The following PROKR1 variants were observed in gnomAD, a reference collection of about 807,000 sequenced individuals.
PROKR1 encodes the protein G protein-coupled receptor 73.
Under a neutral mutation model 22.8 loss-of-function variants are expected in PROKR1, and 21 were observed. The ratio of observed to expected loss-of-function variants is 0.92; its 90% CI spans 0.65 to 1.32. The LOEUF is 1.32. Among genes scored for constraint, PROKR1 ranks in the 40% most tolerant of loss-of-function variants. The probability of loss-of-function intolerance (pLI) is 0.00; values close to 1 mark genes in which losing one functional copy is unlikely to be tolerated. For missense variants in PROKR1, 548 were observed against 514.2 expected (o/e 1.07, Z -0.64); for synonymous variants, 193 against 207.5 (o/e 0.93, Z 0.60).
intron 1 of PROKR1, among the ~76,000 whole-genome samples, chr2:68,644,216 T>G (rs1309851001): frequency 2.0e-5 from 3 of 152,072 alleles, no homozygotes; most frequent in Admixed American, 1.3e-4. Flanking sequence ...CCCCGAAGCT[T>G]CTGTATTCTT....
In PROKR1 at chr2:68,657,820, C is replaced by A. The variant is rs1277376434; in HGVS notation, c.*2244C>A. On this transcript the variant is annotated 3_prime_UTR_variant, in exon 3 of 3. Transcript: ENST00000303786. ...ACACATTACAAAAACCTATTTATTT[C>A]TTCCCATTTATCACCCAGTAGACTT... 4 of 152,158 alleles carry A rather than the reference C, an allele frequency of 2.6e-5. No homozygotes were observed. Among genetic ancestry groups the A allele is most frequent in the Non-Finnish European group, 5.9e-5 (4 of 68,028 alleles). 9.4% of individuals were successfully genotyped at this position (152,158 alleles called of 1,614,324 possible).
chr2:68,649,868 G>T (rs1033203419), intron 2 of PROKR1, among the ~76,000 whole-genome samples: 6 of 152,102 alleles, frequency 3.9e-5, no homozygotes, highest in Non-Finnish European at 8.8e-5. Flanking sequence ...ACAAACAGAG[G>T]AACAGAGAGA....
chr2:68,650,656 C>G (rs1440001740), intron 2 of PROKR1, among the ~76,000 whole-genome samples: 2 of 152,042 alleles, frequency 1.3e-5, no homozygotes, highest in African/African-American at 4.8e-5. Flanking sequence ...AAGACATAAT[C>G]ACAGCTCTTG....
In PROKR1 at chr2:68,655,389, T is replaced by C. The variant is rs1414663401; in HGVS notation, c.995T>C (p.Met332Thr). 1 of 1,614,172 alleles carries C rather than the reference T, an allele frequency of 6.2e-7. No homozygotes were observed. Among genetic ancestry groups the C allele is most frequent in the South Asian group, 1.1e-5 (1 of 91,084 alleles). ...TAFYIVECIAMSNSMINTLCF... is the reference protein window; with the variant it reads ...TAFYIVECIATSNSMINTLCF... ...TTCTACATCGTCGAGTGCATCGCCA[T>C]GAGCAACAGCATGATCAACACTCTG... Residue 332 changes from methionine to threonine, a missense_variant, in exon 3 of 3, where the codon ATG becomes ACG. Physicochemically the swap from Met to Thr is moderately conservative, Grantham distance 81. Transcript: ENST00000303786.
Position 68,646,082 on chromosome 2 carries a change from G to T in PROKR1, c.261G>T (p.Leu87=), listed in dbSNP as rs372842241. 6.2e-7 allele frequency: 1 copy of T among 1,614,086 alleles called. No homozygotes were observed. The highest frequency in any genetic ancestry group is 2.2e-5 in the East Asian group (1 of 44,890). The stretch of plus-strand genomic sequence containing the variant: ...GAAACTTCATCTTTATCGCTGCCCT[G>T]GTCCGCTACAAGAAACTGCGCAACC... ...GIGNFIFIAA[L]VRYKKLRNLT... Residue 87 remains leucine (L), a synonymous_variant, in exon 2 of 3, where the codon CTG becomes CTT. Transcript: ENST00000303786.
chr2:68,655,005 C>G lies in PROKR1; in HGVS notation c.611C>G (p.Thr204Arg), dbSNP rs1025350162. 4.3e-6 allele frequency: 7 copies of G among 1,613,720 alleles called. No individual in the cohort carries two copies. The highest frequency in any genetic ancestry group is 5.9e-6 in the Non-Finnish European group (7 of 1,180,008). ...AIPSAYFTTE[T>R]VLVIVKSQEK... ...CCTTCCGCCTACTTCACCACCGAGA[C>G]GGTCCTCGTCATTGTCAAGAGCCAG... Residue 204 changes from threonine (T) to arginine (R), a missense_variant, in exon 3 of 3, where the codon ACG (threonine) becomes AGG (arginine). Coordinates refer to ENST00000303786, the MANE Select transcript of PROKR1 (RefSeq NM_138964.4).
At chr2:68,652,289 A>T (rs1174806722) in intron 2 of PROKR1, among the ~76,000 whole-genome samples, 1 of 152,192 alleles carries the variant, frequency 6.6e-6, no homozygotes, top group African/African-American at 2.4e-5. Context: ...ATGCTCTGTA[A>T]ATTGTAAACT....
chr2:68,645,985 C>G lies in PROKR1; in HGVS notation c.164C>G (p.Ser55Cys). 1 of 1,614,270 alleles carries G rather than the reference C, an allele frequency of 6.2e-7. No individual in the cohort carries two copies. The highest frequency in any genetic ancestry group is 8.5e-7 in the Non-Finnish European group (1 of 1,180,048). ...GATGAAGATGAGGATGTGACCAATT[C>G]CAGGACGTTCTTTGCTGCCAAGATT... Reference protein sequence around the residue: ...PLDEDEDVTNSRTFFAAKIVI... With the variant: ...PLDEDEDVTNCRTFFAAKIVI... The change falls in exon 2 of 3, where the codon TCC becomes TGC. Residue 55 changes from serine (S) to cysteine (C), a missense_variant. By Grantham distance (112) the Ser-to-Cys change is moderately radical (BLOSUM62 -1). Transcript: ENST00000303786.
At chr2:68,649,040 A>C (rs543788680) in intron 2 of PROKR1, among the ~76,000 whole-genome samples, 2 of 152,348 alleles carry the variant, frequency 1.3e-5, no homozygotes. Context: ...ATTAACCCTT[A>C]TAGGAATGTC....
At chr2:68,644,106 C>T (rs909240722) in intron 1 of PROKR1, among the ~76,000 whole-genome samples, 4 of 152,114 alleles carry the variant, frequency 2.6e-5, no homozygotes, top group Non-Finnish European at 5.9e-5. Flanking sequence ...GAGAGGTCAC[C>T]AGGTGGGGGT....
chr2:68,656,636 C>T lies in PROKR1; in HGVS notation c.*1060C>T, dbSNP rs1176797579. The T allele has an allele frequency of 1.3e-5, 2 of 152,194 alleles. No homozygotes were observed. Among genetic ancestry groups the T allele is most frequent in the Admixed American group, 6.5e-5 (1 of 15,286 alleles). The allele number at this position is 152,194 out of a possible 1,614,324, so 9.4% of individuals were successfully genotyped here. A position where few individuals can be genotyped will look rare whatever the true frequency, so the allele number is the denominator to read the frequency against. ...TCATTCATTTTTCTGTTTTCACCAGCTCTCAAATGTGAGTGATGAAGAGTT... is the reference window on the plus strand; with the variant it reads ...TCATTCATTTTTCTGTTTTCACCAGTTCTCAAATGTGAGTGATGAAGAGTT... On this transcript the variant is annotated 3_prime_UTR_variant, in exon 3 of 3. Coordinates refer to ENST00000303786, the MANE Select transcript of PROKR1 (RefSeq NM_138964.4).
chr2:68,645,453 G>A (rs1427165495), intron 1 of PROKR1, among the ~76,000 whole-genome samples: 1 of 152,230 alleles, frequency 6.6e-6, no homozygotes. Flanking sequence ...AACTGAGCCA[G>A]TGCTTGATTG....
At chr2:68,644,508 G>A (rs886578532) in intron 1 of PROKR1, among the ~76,000 whole-genome samples, 4 of 152,160 alleles carry the variant, frequency 2.6e-5, no homozygotes, top group African/African-American at 9.7e-5. Flanking sequence ...GCCTCACTGG[G>A]GCGCAGAGGG....
Position 68,655,378 on chromosome 2 carries a change from G to A in PROKR1, c.984G>A (p.Glu328=). 1 of 1,614,182 alleles carries A rather than the reference G, an allele frequency of 6.2e-7. No individual in the cohort carries two copies. The highest frequency in any genetic ancestry group is 8.5e-7 in the Non-Finnish European group (1 of 1,180,002). ...KHYLTAFYIV[E]CIAMSNSMIN... ...ACCTCACTGCCTTCTACATCGTCGA[G>A]TGCATCGCCATGAGCAACAGCATGA... The change falls in exon 3 of 3, where the codon GAG becomes GAA. Residue 328 remains glutamate, a synonymous_variant. Transcript: ENST00000303786.
Position 68,646,270 on chromosome 2 carries a change from T to A in PROKR1, c.449T>A (p.Val150Asp), listed in dbSNP as rs1196288288. Reference sequence around the variant, plus strand: ...TACCTGCGCACTGTCTCTCTCTATGTCTCCACCAATGCCCTGCTGGCCATC... The same window carrying A: ...TACCTGCGCACTGTCTCTCTCTATGACTCCACCAATGCCCTGCTGGCCATC... ...VNYLRTVSLY[V>D]STNALLAIAI... The change falls in exon 2 of 3, where the codon GTC (valine) becomes GAC (aspartate). Residue 150 changes from valine (V) to aspartate (D), a missense_variant. Val to Asp is a radical substitution (Grantham distance 152). Coordinates refer to ENST00000303786, the MANE Select transcript of PROKR1 (RefSeq NM_138964.4). 1 of 1,614,088 alleles carries A rather than the reference T, an allele frequency of 6.2e-7. No individual in the cohort carries two copies. Among genetic ancestry groups the A allele is most frequent in the Non-Finnish European group, 8.5e-7 (1 of 1,180,040 alleles).
intron 2 of PROKR1, 47 bp from the exon 3 acceptor site, chr2:68,654,833 G>A (rs368680230): frequency 2.7e-5 from 37 of 1,359,174 alleles, no homozygotes; most frequent in Non-Finnish European, 3.8e-5. Context: ...AGATTATCCA[G>A]CACTTCTTTC....
intron 2 of PROKR1, among the ~76,000 whole-genome samples, chr2:68,651,606 A>G (rs899684501): frequency 2.6e-5 from 4 of 152,198 alleles, no homozygotes; most frequent in Admixed American, 2.6e-4. Context: ...GGAAGCACAG[A>G]AACCTCCTGG....
chr2:68,645,473 C>T (rs1673155673), intron 1 of PROKR1, among the ~76,000 whole-genome samples, 189 bp from the exon 2 acceptor site: 1 of 152,232 alleles, frequency 6.6e-6, no homozygotes, highest in Admixed American at 6.5e-5. Context: ...GTCTCTATAG[C>T]AATCCACCCT....
intron 1 of PROKR1, among the ~76,000 whole-genome samples, chr2:68,644,560 G>C (rs975139910): frequency 6.6e-6 from 1 of 152,184 alleles, no homozygotes; most frequent in Non-Finnish European, 1.5e-5. Context: ...CAGATGTTTT[G>C]CCTCGGAGGA....
Sources: gnomAD v4.1 joint callset for allele counts (sites outside exome capture counted in the v4.1 genomes callset) on GRCh38, gnomAD v4.1.1 for gene constraint, MANE v1.5 for transcripts, NCBI Gene and HGNC (gene_info 2026-07-23, HGNC 2026-07-21) for gene names.